Variants in CD47 observed in about 807,000 individuals in gnomAD.
CD47 encodes the protein CD47 molecule.
CD47 carries 11 observed loss-of-function variants against 44.6 expected under a neutral mutation model. The observed-to-expected ratio is 0.25, with a 90% CI of 0.16 to 0.41. The LOEUF is 0.41. Ranked by LOEUF, CD47 falls within the 10% of genes least tolerant of loss-of-function variation. The probability of loss-of-function intolerance (pLI) is 1.00; values close to 1 mark genes in which losing one functional copy is unlikely to be tolerated. For missense variants in CD47, 306 were observed against 386.7 expected, an observed-to-expected ratio of 0.79 and a Z score of 1.75; for synonymous variants, 140 against 136.3, an observed-to-expected ratio of 1.03 and a Z score of -0.19.
chr3:108,086,364 T>G (rs1479064321), intron 1 of CD47, among the ~76,000 whole-genome samples: 1 of 151,882 alleles, frequency 6.6e-6, no homozygotes, highest in African/African-American at 2.4e-5. Context: ...AAAGAACAAC[T>G]GGAGAGAAGA....
chr3:108,049,121 T>A, intron 10 of CD47, among the ~76,000 whole-genome samples: 1 of 149,562 alleles, frequency 6.7e-6, no homozygotes, highest in Non-Finnish European at 1.5e-5. Flanking sequence ...TCTCTCTCTC[T>A]CTCTCTCTCT....
rs921702394 is a variant in CD47, at chr3:108,045,524, T to C, written c.*1764A>G. On this transcript the variant is annotated 3_prime_UTR_variant, in exon 11 of 11. Coordinates refer to ENST00000361309, the MANE Select transcript of CD47 (RefSeq NM_001777.4). ...ATATACATGTGTGTATATACATACGTATATATAGATATACGTATATATTTG... is the reference window on the plus strand; with the variant it reads ...ATATACATGTGTGTATATACATACGCATATATAGATATACGTATATATTTG... 1 of 152,448 alleles carries C rather than the reference T, an allele frequency of 6.6e-6. No individual in the cohort carries two copies. The highest frequency in any genetic ancestry group is 2.1e-4 in the South Asian group (1 of 4,826). The allele number at this position is 152,448 out of a possible 1,614,324, so 9.4% of individuals were successfully genotyped here. A position where few individuals can be genotyped will look rare whatever the true frequency, so the allele number is the denominator to read the frequency against.
chr3:108,061,965 C>A (rs1381847816), intron 3 of CD47, among the ~76,000 whole-genome samples: 2 of 152,082 alleles, frequency 1.3e-5, no homozygotes, highest in African/African-American at 4.8e-5. Flanking sequence ...TGATAAAAAT[C>A]TATGTTTAAG....
At chr3:108,050,623 A>G (rs756216270) in intron 8 of CD47, 21 bp from the exon 9 acceptor site, 3 of 871,134 alleles carry the variant, frequency 3.4e-6, no homozygotes, top group African/African-American at 1.8e-5. Context: ...TTTAAAATAT[A>G]TTTACATAAA....
intron 2 of CD47, among the ~76,000 whole-genome samples, chr3:108,072,753 T>C (rs1251881657): frequency 6.6e-6 from 1 of 152,190 alleles, no homozygotes; most frequent in Non-Finnish European, 1.5e-5. Flanking sequence ...TTGTATCTAA[T>C]CCCCAATGGA....
chr3:108,060,626 T>C, intron 4 of CD47, 119 bp downstream of exon 4: 1 of 667,004 alleles, frequency 1.5e-6, no homozygotes, highest in Admixed American at 2.5e-5. Flanking sequence ...TGCTATTGTT[T>C]AAGCCACCCA....
chr3:108,090,973 G>A lies in CD47; in HGVS notation c.-65C>T. On this transcript the variant is annotated 5_prime_UTR_variant, in exon 1 of 11. The change creates a new upstream start codon in the 5' untranslated region. Coordinates refer to ENST00000361309, the MANE Select transcript of CD47 (RefSeq NM_001777.4). ...GTCCGGAGCAGCAGCCGCCGCCGCC[G>A]TTACAGGCAGGACCGACCGCCGCCG... is the stretch of plus-strand genomic sequence containing the variant. 4 of 1,255,380 alleles carry A rather than the reference G, an allele frequency of 3.2e-6. No individual in the cohort carries two copies. Among genetic ancestry groups the A allele is most frequent in the South Asian group, 1.5e-5 (1 of 66,274 alleles). The allele number at this position is 1,255,380 out of a possible 1,614,324, so 77.8% of individuals were successfully genotyped here. A position where few individuals can be genotyped will look rare whatever the true frequency, so the allele number is the denominator to read the frequency against.
chr3:108,076,017 G>C (rs914345637), intron 2 of CD47, among the ~76,000 whole-genome samples: 15 of 152,164 alleles, frequency 9.9e-5, no homozygotes, highest in African/African-American at 3.6e-4. Context: ...CAATCACAAG[G>C]AATTGAATTC....
rs533228909 is a variant in CD47, at chr3:108,084,938, A to G, written c.47-4594T>C. 4.6e-5 allele frequency among the ~76,000 whole-genome samples: 7 copies of G among 152,112 alleles called. No homozygotes were observed. In the South Asian group the frequency reaches 1.2e-3, roughly 27 times the overall value. On this transcript the variant is annotated intron_variant, in intron 1 of 10. Transcript: ENST00000361309. ...TCAAGGTTTCTCCATCCTGGCCCTG[A>G]TGTATTTTCTACAGTTCCCAAAATA...
intron 7 of CD47, among the ~76,000 whole-genome samples, chr3:108,057,164 G>A (rs183734217): frequency 6.6e-6 from 1 of 152,078 alleles, no homozygotes; most frequent in African/African-American, 2.4e-5. Context: ...GTATAAAAAG[G>A]TACACATTCT....
At position 108,080,293 on chromosome 3, in the gene CD47, C is replaced by T. The variant is rs190843963; in HGVS notation, c.98G>A (p.Cys33Tyr). 6.2e-6 allele frequency: 10 copies of T among 1,611,586 alleles called. No individual in the cohort carries two copies. The highest frequency in any genetic ancestry group is 8.5e-6 in the Non-Finnish European group (10 of 1,178,234). ...GCATGGAATGACGACAGTGTCATTA[C>T]AAAACGTGAATTCTACAGATTTTGT... ...NKTKSVEFTF[C>Y]NDTVVIPCFV... Residue 33 changes from cysteine (C) to tyrosine (Y), a missense_variant, in exon 2 of 11, where the codon TGT (cysteine) becomes TAT (tyrosine). Cys to Tyr is a radical substitution (Grantham distance 194). Transcript: ENST00000361309.
chr3:108,047,255 C>A lies in CD47; in HGVS notation c.*33G>T, dbSNP rs1250317761. The A allele has an allele frequency of 6.3e-7, 1 of 1,588,828 alleles. No individual in the cohort carries two copies. The highest frequency in any genetic ancestry group is 1.3e-5 in the African/African-American group (1 of 74,394). ...AGTGTATTCCTTTCACGTCTTACTA[C>A]TCTCCAAATCGGAGTCCATCACTTC... is the stretch of plus-strand genomic sequence containing the variant. On this transcript the variant is annotated 3_prime_UTR_variant, in exon 11 of 11. Coordinates refer to ENST00000361309, the MANE Select transcript of CD47 (RefSeq NM_001777.4).
rs1208250770 is a variant in CD47, at chr3:108,045,815, T to C, written c.*1473A>G. The C allele has an allele frequency of 1.3e-5, 2 of 152,206 alleles. No homozygotes were observed. The highest frequency in any genetic ancestry group is 2.9e-5 in the Non-Finnish European group (2 of 68,030). The allele number at this position is 152,206 out of a possible 1,614,324, so 9.4% of individuals were successfully genotyped here. On this transcript the variant is annotated 3_prime_UTR_variant, in exon 11 of 11. Transcript: ENST00000361309. ...ATTTTTACAGGGTATTGGTGAGCAG[T>C]CAAAAAGCGTGGCAAATTACCTAGA...
At chr3:108,090,342 A>T (rs1391537349) in intron 1 of CD47, among the ~76,000 whole-genome samples, 1 of 152,118 alleles carries the variant, frequency 6.6e-6, no homozygotes, top group Admixed American at 6.5e-5. Context: ...CTTCGCTCCT[A>T]TGTTCATGTG....
rs71299349 is a variant in CD47 at position 108,069,511 on chromosome 3, GTT to G, written c.490+1580_490+1581del. On this transcript the variant is annotated intron_variant, in intron 3 of 10. Coordinates refer to ENST00000361309, the MANE Select transcript of CD47 (RefSeq NM_001777.4). The stretch of plus-strand genomic sequence containing the variant: ...TTCTAGGTTTGGGGACTACAGATGA[GTT>G]TTTTTTTTTTTTTTTTAAATAACTC... Among the ~76,000 whole-genome samples the G allele has an allele frequency of 5.4e-3, 752 of 140,470 alleles. 6 individuals carry two copies. The highest frequency in any genetic ancestry group is 0.016 in the African/African-American group (608 of 37,936). 92.2% of individuals were successfully genotyped at this position (140,470 alleles called of 152,430 possible). A position where few individuals can be genotyped will look rare whatever the true frequency, so the allele number is the denominator to read the frequency against.
chr3:108,090,336 G>A (rs868066654), intron 1 of CD47, among the ~76,000 whole-genome samples: 1 of 152,036 alleles, frequency 6.6e-6, no homozygotes, highest in African/African-American at 2.4e-5. Flanking sequence ...CGTCCTCTTC[G>A]CTCCTATGTT....
intron 1 of CD47, among the ~76,000 whole-genome samples, chr3:108,089,098 T>C (rs1478393628): frequency 6.6e-6 from 1 of 152,246 alleles, no homozygotes; most frequent in East Asian, 1.9e-4. Flanking sequence ...TCTTCATACA[T>C]GTCCTTTTGA....
At chr3:108,049,113 T>A (rs2078776602) in intron 10 of CD47, among the ~76,000 whole-genome samples, 1 of 130,570 alleles carries the variant, frequency 7.7e-6, no homozygotes, top group African/African-American at 3.1e-5. Context: ...TCTCTCTCTC[T>A]CTCTCTCTCT....
At chr3:108,060,943 G>A (rs1354541179) in intron 3 of CD47, 91 bp from the exon 4 acceptor site, 2 of 755,222 alleles carry the variant, frequency 2.6e-6, no homozygotes, top group Middle Eastern at 2.4e-4. Context: ...ACTGACAGAA[G>A]TACTATAATG....
Sources: allele counts gnomAD v4.1 joint callset (sites outside exome capture counted in the v4.1 genomes callset), GRCh38; gene constraint gnomAD v4.1.1; transcripts MANE v1.5; gene names NCBI Gene and HGNC (gene_info 2026-07-23, HGNC 2026-07-21).